KLHL1: variants seen among roughly 807,000 people sequenced by gnomAD.
The protein encoded by KLHL1 is kelch-like protein 1.
KLHL1 carries 47 observed loss-of-function variants against 77.7 expected under a neutral mutation model. The observed-to-expected ratio is 0.60, with a 90% confidence interval of 0.48 to 0.77. KLHL1 has a LOEUF of 0.77. KLHL1 is among the 30% of genes least tolerant of loss of function. KLHL1 has a pLI of 0.00. For missense variants in KLHL1, 925 were observed against 910.8 expected (o/e 1.02, Z -0.20); for synonymous variants, 360 against 325.2 (o/e 1.11, Z -1.15).
intron 7 of KLHL1, among the ~76,000 whole-genome samples, chr13:69,789,508 T>C (rs530669375): frequency 6.6e-6 from 1 of 152,282 alleles, no homozygotes; most frequent in South Asian, 2.1e-4. Flanking sequence ...TCATCACTTT[T>C]TGTACAATTA....
intron 2 of KLHL1, among the ~76,000 whole-genome samples, chr13:69,971,995 T>C (rs1884394924): frequency 6.6e-6 from 1 of 152,000 alleles, no homozygotes; most frequent in Non-Finnish European, 1.5e-5. Context: ...GTTTTACTAA[T>C]TATTTTTTTC....
intron 6 of KLHL1, among the ~76,000 whole-genome samples, chr13:69,817,068 C>G (rs922865031): frequency 6.6e-6 from 1 of 152,010 alleles, no homozygotes; most frequent in Admixed American, 6.6e-5. Context: ...TCTTAAAATG[C>G]TTACTGAACA....
chr13:70,036,591 C>T (rs1378929395), intron 1 of KLHL1, among the ~76,000 whole-genome samples: 7 of 151,732 alleles, frequency 4.6e-5, no homozygotes, highest in South Asian at 2.1e-4. Flanking sequence ...TCATATAATA[C>T]GTATTTACCT....
At chr13:70,059,294 G>C (rs1257823351) in intron 1 of KLHL1, among the ~76,000 whole-genome samples, 3 of 151,884 alleles carry the variant, frequency 2.0e-5, no homozygotes, top group Admixed American at 6.6e-5. Context: ...AAGTATCTAG[G>C]ATTACAGCAC....
chr13:69,703,578 G>A (rs1875496743), intron 10 of KLHL1, among the ~76,000 whole-genome samples: 1 of 151,448 alleles, frequency 6.6e-6, no homozygotes, highest in South Asian at 2.1e-4. Context: ...TAATGTCCAA[G>A]CCCCTCATTT....
chr13:70,041,792 A>C (rs1410951009), intron 1 of KLHL1, among the ~76,000 whole-genome samples: 1 of 152,034 alleles, frequency 6.6e-6, no homozygotes, highest in Non-Finnish European at 1.5e-5. Flanking sequence ...GGGGAGTGGG[A>C]GGGCTTGGCC....
intron 4 of KLHL1, among the ~76,000 whole-genome samples, chr13:69,939,336 C>CATAT (rs1201722261): frequency 8.2e-5 from 4 of 48,494 alleles, no homozygotes; most frequent in East Asian, 5.2e-4. Context: ...TATACATATA[C>CATAT]ATACATATAT....
intron 3 of KLHL1, among the ~76,000 whole-genome samples, chr13:69,948,227 A>G (rs1883593454): frequency 6.6e-6 from 1 of 152,124 alleles, no homozygotes; most frequent in African/African-American, 2.4e-5. Flanking sequence ...TTTCTCTCAT[A>G]GTTGCCATAG....
At chr13:69,712,439 T>C (rs1336035522) in intron 9 of KLHL1, among the ~76,000 whole-genome samples, 1 of 152,128 alleles carries the variant, frequency 6.6e-6, no homozygotes, top group African/African-American at 2.4e-5. Context: ...GTCATACTGG[T>C]GGCCTTTCCT....
chr13:69,701,790 G>A, intron 10 of KLHL1, 29 bp from the exon 11 acceptor site: 3 of 1,498,252 alleles, frequency 2.0e-6, no homozygotes, highest in Non-Finnish European at 2.7e-6. Flanking sequence ...CACAACTTAA[G>A]ACAAGTTTTC....
intron 1 of KLHL1, among the ~76,000 whole-genome samples, chr13:70,058,079 G>A (rs1593709592): frequency 1.3e-5 from 2 of 151,716 alleles, no homozygotes; most frequent in East Asian, 3.9e-4. Flanking sequence ...TCAGATGATA[G>A]AAGGAATATG....
At chr13:70,071,620 T>C (rs936195917) in intron 1 of KLHL1, among the ~76,000 whole-genome samples, 3 of 151,234 alleles carry the variant, frequency 2.0e-5, no homozygotes, top group African/African-American at 7.3e-5. Context: ...AAATCAGACA[T>C]CATGAAAAGT....
chr13:69,902,560 G>A (rs561815624), intron 4 of KLHL1, among the ~76,000 whole-genome samples: 9 of 152,170 alleles, frequency 5.9e-5, no homozygotes, highest in South Asian at 2.1e-4. Flanking sequence ...TATACACCAC[G>A]GAATACCATG....
chr13:70,020,788 G>GATATATATGTAT (rs144357378), intron 1 of KLHL1, among the ~76,000 whole-genome samples: 5 of 151,656 alleles, frequency 3.3e-5, no homozygotes, highest in African/African-American at 4.9e-5. Context: ...CATATTGTGA[G>GATATATATGTAT]ATATATATGT....
chr13:69,815,922 T>C (rs952200377), intron 6 of KLHL1, among the ~76,000 whole-genome samples: 4 of 151,840 alleles, frequency 2.6e-5, no homozygotes, highest in African/African-American at 9.7e-5. Flanking sequence ...AACTGAAAGA[T>C]AAAGAAATTA....
chr13:69,853,471 T>C (rs886554990), intron 5 of KLHL1, among the ~76,000 whole-genome samples: 16 of 151,982 alleles, frequency 1.1e-4, no homozygotes, highest in African/African-American at 3.9e-4. Flanking sequence ...CTTTACAAAT[T>C]ACCCAGTCTT....
At chr13:69,857,725 G>T (rs1453809405) in intron 5 of KLHL1, among the ~76,000 whole-genome samples, 1 of 151,850 alleles carries the variant, frequency 6.6e-6, no homozygotes, top group Non-Finnish European at 1.5e-5. Flanking sequence ...AACTAACTAT[G>T]CAGTAGAAAA....
chr13:69,982,171 T>A (rs984938201), intron 1 of KLHL1, among the ~76,000 whole-genome samples: 3 of 151,818 alleles, frequency 2.0e-5, no homozygotes, highest in African/African-American at 7.3e-5. Flanking sequence ...AAGTGGCTCA[T>A]GCCTGTAATC....
rs141006158 is a variant in KLHL1 at position 69,794,661 on chromosome 13, G to A, written c.1639+2077C>T. Reference sequence around the variant, plus strand: ...TAGGAATTTGAAATAGGAACAGTACGTAGCCTAACAGAGATAAGGGAGAGT... The same window carrying A: ...TAGGAATTTGAAATAGGAACAGTACATAGCCTAACAGAGATAAGGGAGAGT... On this transcript the variant is annotated intron_variant, in intron 7 of 10. Transcript: ENST00000377844. 8.8e-4 allele frequency among the ~76,000 whole-genome samples: 134 copies of A among 152,018 alleles called. 1 individual carries two copies. The highest frequency in any genetic ancestry group is 3.0e-3 in the African/African-American group (124 of 41,512).
Sources: gnomAD v4.1 joint callset for allele counts (sites outside exome capture counted in the v4.1 genomes callset) on GRCh38, gnomAD v4.1.1 for gene constraint, MANE v1.5 for transcripts, NCBI Gene and HGNC (gene_info 2026-07-23, HGNC 2026-07-21) for gene names.